Variants in TENM2 observed in about 807,000 individuals in gnomAD.
The protein encoded by TENM2 is teneurin-2.
TENM2 carries 52 observed loss-of-function variants against 245.2 expected under a neutral mutation model. The observed-to-expected ratio is 0.21, with a 90% CI of 0.17 to 0.27. TENM2 has a LOEUF of 0.27. Ranked by LOEUF, TENM2 falls within the 10% of genes least tolerant of loss-of-function variation. The probability of loss-of-function intolerance (pLI) is 1.00; values close to 1 mark genes in which losing one functional copy is unlikely to be tolerated. For missense variants in TENM2, 3,046 were observed against 3,666.8 expected, an observed-to-expected ratio of 0.83 and a Z score of 4.37; for synonymous variants, 1,363 against 1,438.9, an observed-to-expected ratio of 0.95 and a Z score of 1.19.
chr5:168,028,363 G>C (rs77258010), intron 5 of TENM2, among the ~76,000 whole-genome samples: 2 of 152,140 alleles, frequency 1.3e-5, no homozygotes, highest in South Asian at 4.1e-4. Context: ...TGTGGAAAGT[G>C]TAGAGGCTTG....
chr5:167,953,845 G>A (rs1018823964), intron 4 of TENM2, among the ~76,000 whole-genome samples: 6 of 152,164 alleles, frequency 3.9e-5, no homozygotes, highest in Non-Finnish European at 7.4e-5. Context: ...TTTGAAAGTA[G>A]CATTTGGAGT....
the TENM2 span, among the ~76,000 whole-genome samples, chr5:167,114,550 G>A: frequency 6.6e-6 from 1 of 152,104 alleles, no homozygotes; most frequent in Non-Finnish European, 1.5e-5. Context: ...TTATTCAGAG[G>A]TCTTACCCAT....
chr5:168,228,006 T>TCACCCC (rs1764387681), exon 25 of TENM2: 1 of 1,613,828 alleles, frequency 6.2e-7, no homozygotes, highest in Non-Finnish European at 8.5e-7. Flanking sequence ...GCGGGCACCA[T>TCACCCC]CACCCCCACC....
At chr5:168,246,052 G>A (rs2152689391) in intron 26 of TENM2, among the ~76,000 whole-genome samples, 1 of 152,092 alleles carries the variant, frequency 6.6e-6, no homozygotes, top group Non-Finnish European at 1.5e-5. Flanking sequence ...GGCCAACATG[G>A]TGAAACCCCG....
chr5:167,449,063 T>A (rs1161005397), intron 2 of TENM2, among the ~76,000 whole-genome samples: 1 of 150,666 alleles, frequency 6.6e-6, no homozygotes, highest in Non-Finnish European at 1.5e-5. Context: ...AAAAAAAAAA[T>A]TGGTATGCAA....
intron 2 of TENM2, among the ~76,000 whole-genome samples, chr5:167,482,670 G>C (rs1489058658): frequency 1.3e-5 from 2 of 152,146 alleles, no homozygotes; most frequent in African/African-American, 4.8e-5. Context: ...TAATCGTACA[G>C]CAGTATTTAT....
At chr5:167,949,955 C>G (rs1444468067) in intron 3 of TENM2, among the ~76,000 whole-genome samples, 1 of 152,096 alleles carries the variant, frequency 6.6e-6, no homozygotes, top group African/African-American at 2.4e-5. Context: ...CTTCCAATAC[C>G]GAGAACGCTG....
chr5:167,105,922 A>AG, the TENM2 span, among the ~76,000 whole-genome samples: 1 of 146,840 alleles, frequency 6.8e-6, no homozygotes, highest in African/African-American at 2.5e-5. Flanking sequence ...AAAAAAAAAA[A>AG]AAAAAGAAAG....
At chr5:167,988,029 G>A (rs148826070) in intron 4 of TENM2, among the ~76,000 whole-genome samples, 11 of 152,206 alleles carry the variant, frequency 7.2e-5, no homozygotes, top group Admixed American at 2.0e-4. Flanking sequence ...GCCAATGAGC[G>A]GCCTGAGAGC....
rs139131279 is a variant in TENM2, at chr5:167,664,344, A to G, written c.503-211642A>G. 3.6e-3 allele frequency among the ~76,000 whole-genome samples: 555 copies of G among 152,320 alleles called. 1 individual carries two copies. Among genetic ancestry groups the G allele is most frequent in the African/African-American group, 0.013 (530 of 41,578 alleles). On this transcript the variant is annotated intron_variant, in intron 2 of 28. Transcript: ENST00000518659. ...TTAGATAAACAAAATCCCCTTGCCT[A>G]GGTCTTAGTTGACTGTCAAAACTTT... is the stretch of plus-strand genomic sequence containing the variant.
At chr5:167,084,481 C>T in the TENM2 span, among the ~76,000 whole-genome samples, 65 of 150,798 alleles carry the variant, frequency 4.3e-4, no homozygotes, top group African/African-American at 1.5e-3. Flanking sequence ...CATTCTGGAA[C>T]TTAATAATAG....
chr5:167,675,119 G>T (rs570607729), intron 2 of TENM2, among the ~76,000 whole-genome samples: 188 of 152,142 alleles, frequency 1.2e-3, no homozygotes, highest in African/African-American at 4.3e-3. Flanking sequence ...TATCAAGTAA[G>T]CCCAATGCCA....
At chr5:167,580,347 G>A (rs1775000924) in intron 2 of TENM2, among the ~76,000 whole-genome samples, 1 of 152,106 alleles carries the variant, frequency 6.6e-6, no homozygotes. Flanking sequence ...TAAATTTGGG[G>A]GGACATCTTT....
chr5:167,034,846 T>C, the TENM2 span, among the ~76,000 whole-genome samples: 2 of 152,054 alleles, frequency 1.3e-5, no homozygotes, highest in Non-Finnish European at 2.9e-5. Context: ...ACAGTGAGGA[T>C]TAGTACTCTT....
chr5:167,248,799 CGT>C, the TENM2 span, among the ~76,000 whole-genome samples: 7 of 40,168 alleles, frequency 1.7e-4, no homozygotes, highest in East Asian at 1.9e-3. Flanking sequence ...TATATGTGTG[CGT>C]GTGTGTGTAT....
chr5:168,260,329 C>T (rs767143242), exon 28 of TENM2: 1 of 1,613,974 alleles, frequency 6.2e-7, no homozygotes, highest in Admixed American at 1.7e-5. Flanking sequence ...TTAGCAACAT[C>T]ATTCCTGGCT....
At chr5:168,030,959 T>C (rs528454261) in intron 5 of TENM2, among the ~76,000 whole-genome samples, 19 of 152,302 alleles carry the variant, frequency 1.2e-4, no homozygotes, top group African/African-American at 4.3e-4. Flanking sequence ...ACTGAGACTC[T>C]TTTTGTGGTA....
At chr5:167,506,761 T>C (rs937783872) in intron 2 of TENM2, among the ~76,000 whole-genome samples, 11 of 152,224 alleles carry the variant, frequency 7.2e-5, no homozygotes, top group African/African-American at 2.7e-4. Context: ...TTTAATTTCT[T>C]GTTGCCGAAT....
chr5:167,585,576 GCTT>G (rs1310858846), intron 2 of TENM2, among the ~76,000 whole-genome samples: 1 of 152,066 alleles, frequency 6.6e-6, no homozygotes, highest in Non-Finnish European at 1.5e-5. Flanking sequence ...AAATTTCTCT[GCTT>G]CTTTTCCACA....
Sources: allele counts gnomAD v4.1 joint callset (sites outside exome capture counted in the v4.1 genomes callset), GRCh38; gene constraint gnomAD v4.1.1; transcripts MANE v1.5; gene names NCBI Gene and HGNC (gene_info 2026-07-23, HGNC 2026-07-21).